The following DNAH7 variants were observed in gnomAD, a reference collection of about 807,000 sequenced individuals.
DNAH7 encodes dynein axonemal heavy chain 7.
A neutral mutation model predicts 444.6 loss-of-function variants in DNAH7; 397 were observed. The observed-to-expected ratio is 0.89, with a 90% CI of 0.82 to 0.97. DNAH7 has a LOEUF of 0.97. Among genes scored for constraint, DNAH7 ranks in the 50% least tolerant of loss-of-function variants. The pLI is 0.00. For missense variants in DNAH7, 4,902 were observed against 4,800.8 expected, an observed-to-expected ratio of 1.02 and a Z score of -0.62; for synonymous variants, 1,636 against 1,624.4, an observed-to-expected ratio of 1.01 and a Z score of -0.17.
intron 10 of DNAH7, 26 bp from the exon 11 acceptor site, chr2:196,001,884 A>C: frequency 6.4e-7 from 1 of 1,571,454 alleles, no homozygotes; most frequent in Non-Finnish European, 8.6e-7. Flanking sequence ...GACTTTTAAA[A>C]GTCAGTGCTT....
intron 58 of DNAH7, among the ~76,000 whole-genome samples, chr2:195,785,663 C>T (rs938583914): frequency 2.8e-5 from 4 of 144,560 alleles, no homozygotes; most frequent in Non-Finnish European, 4.5e-5. Flanking sequence ...CTGCATCTAT[C>T]GATATGATCA....
intron 17 of DNAH7, among the ~76,000 whole-genome samples, chr2:195,962,215 C>T (rs953318386): frequency 4.6e-5 from 7 of 152,148 alleles, no homozygotes; most frequent in African/African-American, 1.7e-4. Flanking sequence ...TGTGGGTACA[C>T]AGAAGTAGGT....
chr2:195,981,065 G>A (rs1453495628), intron 15 of DNAH7, among the ~76,000 whole-genome samples: 1 of 152,052 alleles, frequency 6.6e-6, no homozygotes, highest in Non-Finnish European at 1.5e-5. Flanking sequence ...ATCCTCGTTT[G>A]CAGATAATAT....
chr2:196,063,068 G>A (rs1325160363), intron 1 of DNAH7, among the ~76,000 whole-genome samples: 1 of 152,132 alleles, frequency 6.6e-6, no homozygotes. Flanking sequence ...TTTGAGTACA[G>A]ATGGGGTTTC....
At chr2:195,986,944 G>T in intron 14 of DNAH7, 122 bp downstream of exon 14, 1 of 893,824 alleles carries the variant, frequency 1.1e-6, no homozygotes, top group Non-Finnish European at 1.6e-6. Flanking sequence ...AATAAGTTTA[G>T]CATAATCATT....
chr2:195,867,950 G>T (rs1308181816), intron 40 of DNAH7, among the ~76,000 whole-genome samples: 2 of 152,048 alleles, frequency 1.3e-5, no homozygotes, highest in Admixed American at 1.3e-4. Flanking sequence ...GTTAGGAGTG[G>T]AACTGCTAGG....
intron 48 of DNAH7, chr2:195,825,255 C>T (rs138673664): frequency 7.0e-6 from 1 of 143,182 alleles, no homozygotes; most frequent in East Asian, 2.0e-4. Context: ...AATATCCTGT[C>T]TCAAACATAA....
intron 64 of DNAH7, among the ~76,000 whole-genome samples, chr2:195,740,297 A>G (rs1239690368): frequency 6.6e-6 from 1 of 152,146 alleles, no homozygotes; most frequent in Non-Finnish European, 1.5e-5. Flanking sequence ...TGCTAAGTGC[A>G]AGAAGGCTGA....
In DNAH7 at chr2:195,883,767, T is replaced by TA. The variant is rs528038356; in HGVS notation, c.5763+817dup. Among the ~76,000 whole-genome samples the TA allele has an allele frequency of 2.0e-5, 3 of 152,204 alleles. No individual in the cohort carries two copies. The East Asian group carries it at 5.8e-4, about 29-fold the overall frequency. The stretch of plus-strand genomic sequence containing the variant: ...ACATAGCAATACATTGCAAGAACCA[T>TA]AAAAATCCAAAAAGCAATACAGTAA... On this transcript the variant is annotated intron_variant, in intron 35 of 64. Coordinates refer to ENST00000312428, the MANE Select transcript of DNAH7 (RefSeq NM_018897.3).
intron 13 of DNAH7, among the ~76,000 whole-genome samples, chr2:195,987,476 T>A (rs1313641362): frequency 6.6e-6 from 1 of 152,026 alleles, no homozygotes; most frequent in Non-Finnish European, 1.5e-5. Flanking sequence ...TATTGCTAAA[T>A]AAATAATGTA....
rs756905913 is a variant in DNAH7, at chr2:195,861,893, A to T, written c.7560T>A (p.Ile2520=). The change falls in exon 42 of 65, where the codon ATT becomes ATA. Residue 2520 remains isoleucine (I), a synonymous_variant. Transcript: ENST00000312428. ...QAVASRFLEE[I]EMSEEIRDGC... is the part of the protein sequence containing the mutation. ...CATCTCGTATTTCCTCTGACATTTC[A>T]ATTTCTTCCAAGAATCGTGAGGCAA... 11 of 1,613,978 alleles carry T rather than the reference A, an allele frequency of 6.8e-6. No individual in the cohort carries two copies. Among genetic ancestry groups the T allele is most frequent in the Non-Finnish European group, 8.5e-6 (10 of 1,179,894 alleles).
chr2:196,054,025 T>C (rs1697649576), intron 2 of DNAH7, among the ~76,000 whole-genome samples: 1 of 152,202 alleles, frequency 6.6e-6, no homozygotes, highest in Non-Finnish European at 1.5e-5. Flanking sequence ...CTAATCTTTG[T>C]TGGGTTAAGT....
intron 49 of DNAH7, among the ~76,000 whole-genome samples, chr2:195,820,963 C>A (rs1279937136): frequency 6.6e-6 from 1 of 152,058 alleles, no homozygotes; most frequent in Non-Finnish European, 1.5e-5. Context: ...CTATGAAGTA[C>A]CTTGTGTGGA....
At chr2:195,970,701 CT>C (rs1376056084) in intron 16 of DNAH7, among the ~76,000 whole-genome samples, 1 of 152,020 alleles carries the variant, frequency 6.6e-6, no homozygotes, top group Non-Finnish European at 1.5e-5. Context: ...GTAAAAAAGC[CT>C]TATTACATAA....
At chr2:195,882,237 T>C (rs192394912) in intron 35 of DNAH7, among the ~76,000 whole-genome samples, 1 of 152,348 alleles carries the variant, frequency 6.6e-6, no homozygotes, top group Admixed American at 6.5e-5. Flanking sequence ...CTGAAATCAC[T>C]GCTTATGCCA....
chr2:195,932,558 T>C (rs116790008), intron 21 of DNAH7, among the ~76,000 whole-genome samples: 5,045 of 152,194 alleles, frequency 0.033, 280 homozygotes, highest in African/African-American at 0.11. Flanking sequence ...GGGTTTGTCA[T>C]AGAGAGCTCT....
At chr2:195,748,645 C>T (rs1212823008) in intron 63 of DNAH7, among the ~76,000 whole-genome samples, 1 of 152,078 alleles carries the variant, frequency 6.6e-6, no homozygotes, top group Non-Finnish European at 1.5e-5. Context: ...GAGATAGAGA[C>T]CAATGGAACA....
chr2:195,925,407 T>C lies in DNAH7; in HGVS notation c.3612+1019A>G, dbSNP rs559444049. Among the ~76,000 whole-genome samples the C allele has an allele frequency of 5.9e-5, 9 of 152,150 alleles. No individual in the cohort carries two copies. The South Asian group carries it at 1.5e-3, about 25-fold the overall frequency. ...GACAAAATGAATTCTCTGGACTCAC[T>C]GAGGAAAAAGGAAAAATACACATGG... On this transcript the variant is annotated intron_variant, in intron 22 of 64. Transcript: ENST00000312428.
chr2:195,806,002 G>A (rs2124839539), intron 54 of DNAH7, among the ~76,000 whole-genome samples: 1 of 152,036 alleles, frequency 6.6e-6, no homozygotes, highest in South Asian at 2.1e-4. Flanking sequence ...CTTAACAGAT[G>A]AAACTGAATA....
Sources: allele counts gnomAD v4.1 joint callset (sites outside exome capture counted in the v4.1 genomes callset), GRCh38; gene constraint gnomAD v4.1.1; transcripts MANE v1.5; gene names NCBI Gene and HGNC (gene_info 2026-07-23, HGNC 2026-07-21).